Variants in USP32 observed in about 807,000 individuals in gnomAD.
USP32 encodes ubiquitin specific peptidase 32.
Under a neutral mutation model 204.8 loss-of-function variants are expected in USP32, and 59 were observed. The ratio of observed to expected loss-of-function variants is 0.29; its 90% CI spans 0.23 to 0.36. The LOEUF is 0.36. Among genes scored for constraint, USP32 ranks in the 10% least tolerant of loss-of-function variants. The probability of loss-of-function intolerance (pLI) is 1.00; values close to 1 mark genes in which losing one functional copy is unlikely to be tolerated. For synonymous variants in USP32, 517 were observed against 678.4 expected (o/e 0.76, Z 3.70); for missense variants, 1,160 against 1,946.4 (o/e 0.60, Z 7.60).
intron 31 of USP32, among the ~76,000 whole-genome samples, chr17:60,182,339 GTACAA>G (rs976375563): frequency 1.3e-5 from 2 of 152,148 alleles, no homozygotes; most frequent in African/African-American, 4.8e-5. Flanking sequence ...GAATGAAAAA[GTACAA>G]TACATTAGCA....
chr17:60,405,197 T>TTTTTTG (rs761497059), intron 1 of USP32, among the ~76,000 whole-genome samples: 6 of 151,884 alleles, frequency 4.0e-5, no homozygotes, highest in South Asian at 2.1e-4. Context: ...AAGCTGTTAG[T>TTTTTTG]TTTTTGTTTT....
At chr17:60,407,409 C>T (rs766346798) in intron 1 of USP32, among the ~76,000 whole-genome samples, 2 of 152,056 alleles carry the variant, frequency 1.3e-5, no homozygotes, top group Non-Finnish European at 2.9e-5. Context: ...ACTTAGTGAC[C>T]TCCCAAGATG....
chr17:60,269,612 A>G, intron 6 of USP32, 55 bp from the exon 7 acceptor site: 2 of 1,422,946 alleles, frequency 1.4e-6, no homozygotes, highest in Admixed American at 2.3e-5. Context: ...AATGTTAATA[A>G]TGACATGTTT....
intron 12 of USP32, among the ~76,000 whole-genome samples, chr17:60,233,499 C>T (rs920830265): frequency 6.6e-6 from 1 of 152,122 alleles, no homozygotes; most frequent in African/African-American, 2.4e-5. Flanking sequence ...ACTTAACATG[C>T]ATCAAACTCA....
At chr17:60,291,301 T>C (rs1395709430) in intron 4 of USP32, among the ~76,000 whole-genome samples, 1 of 152,158 alleles carries the variant, frequency 6.6e-6, no homozygotes, top group African/African-American at 2.4e-5. Context: ...GAGTCATGGA[T>C]CTCTTCTAAA....
At chr17:60,290,184 C>G (rs923425812) in intron 4 of USP32, among the ~76,000 whole-genome samples, 6 of 152,266 alleles carry the variant, frequency 3.9e-5, no homozygotes, top group South Asian at 2.1e-4. Flanking sequence ...TTTTGCCCAC[C>G]ACCATCGCCC....
At chr17:60,296,490 GA>G (rs2087433249) in intron 3 of USP32, among the ~76,000 whole-genome samples, 1 of 152,144 alleles carries the variant, frequency 6.6e-6, no homozygotes, top group Non-Finnish European at 1.5e-5. Flanking sequence ...CAACAGAGAA[GA>G]AAGAATTTTC....
At chr17:60,412,527 C>A (rs549265725) in intron 1 of USP32, among the ~76,000 whole-genome samples, 4 of 148,382 alleles carry the variant, frequency 2.7e-5, no homozygotes, top group East Asian at 3.9e-4. Context: ...AGAGTGATAC[C>A]CTGTTTCAAA....
At chr17:60,353,538 C>T (rs1243283466) in intron 1 of USP32, among the ~76,000 whole-genome samples, 3 of 152,024 alleles carry the variant, frequency 2.0e-5, no homozygotes, top group African/African-American at 4.8e-5. Context: ...GCCAGGAGTT[C>T]GAGACCAGCT....
chr17:60,213,732 G>C (rs961186347), intron 17 of USP32, 70 bp from the exon 18 acceptor site: 2 of 1,472,394 alleles, frequency 1.4e-6, no homozygotes, highest in African/African-American at 3.0e-5. Flanking sequence ...AGATAAAAAT[G>C]AGTAACAATT....
intron 9 of USP32, among the ~76,000 whole-genome samples, chr17:60,262,772 A>T (rs2086485907): frequency 6.6e-6 from 1 of 152,102 alleles, no homozygotes; most frequent in Non-Finnish European, 1.5e-5. Context: ...TACAGTAATA[A>T]TGTCTTCTAT....
chr17:60,190,980 C>G (rs966618443), intron 28 of USP32, among the ~76,000 whole-genome samples: 2 of 152,106 alleles, frequency 1.3e-5, no homozygotes, highest in Non-Finnish European at 2.9e-5. Context: ...TGGGAATTGC[C>G]TGTTTGAGAT....
intron 2 of USP32, among the ~76,000 whole-genome samples, chr17:60,304,448 T>C (rs1297172331): frequency 6.6e-6 from 1 of 152,076 alleles, no homozygotes; most frequent in Non-Finnish European, 1.5e-5. Context: ...GAGGAAATAT[T>C]ATGCCATTAG....
rs779796906 is a variant in USP32, at chr17:60,223,541, C to T, written c.1478G>A (p.Arg493Gln). Residue 493 changes from arginine (R) to glutamine (Q), a missense_variant, in exon 14 of 34, where the codon CGA (arginine) becomes CAA (glutamine). Physicochemically the swap from Arg to Gln is conservative, Grantham distance 43 (BLOSUM62 1). Transcript: ENST00000300896. ...GTTATTGTCAGAAGTGTTATGTTGT[C>T]GAGCAAAGCAAACATCTGCCCCTGG... ...ATPGADVCFA[R>Q]QHNTSDNNNQ... 7 of 1,611,534 alleles carry T rather than the reference C, an allele frequency of 4.3e-6. No individual in the cohort carries two copies. Among genetic ancestry groups the T allele is most frequent in the African/African-American group, 4.0e-5 (3 of 74,640 alleles).
chr17:60,245,435 C>A, intron 11 of USP32: 1 of 367,516 alleles, frequency 2.7e-6, no homozygotes, highest in South Asian at 2.5e-5. Flanking sequence ...ACTTCCAGCT[C>A]CTTGACATTG....
chr17:60,409,342 C>T (rs894948204), intron 1 of USP32, among the ~76,000 whole-genome samples: 1 of 152,136 alleles, frequency 6.6e-6, no homozygotes, highest in African/African-American at 2.4e-5. Context: ...AGCGAGACTC[C>T]GTCTCAAAAA....
chr17:60,283,744 G>A (rs947585400), intron 5 of USP32, among the ~76,000 whole-genome samples: 7 of 151,672 alleles, frequency 4.6e-5, no homozygotes, highest in African/African-American at 7.3e-5. Context: ...ATAAGATTTA[G>A]GTGCTAGAAA....
chr17:60,249,793 T>C (rs1373180235), intron 11 of USP32: 1 of 700,516 alleles, frequency 1.4e-6, no homozygotes, highest in South Asian at 1.5e-5. Context: ...GTTTTTTAAG[T>C]GCTTTTGGGG....
At position 60,376,548 on chromosome 17, in the gene USP32, G is replaced by A. The variant is rs2089544768; in HGVS notation, c.58+15334C>T. 2.7e-5 allele frequency among the ~76,000 whole-genome samples: 4 copies of A among 150,802 alleles called. No individual in the cohort carries two copies. In the South Asian group the frequency reaches 8.4e-4, roughly 32 times the overall value. ...TTCCTTTTCTTTTTTTTTTGAGACA[G>A]AGTCTCACTCTGTCGCTCAGGCTAG... On this transcript the variant is annotated intron_variant, in intron 1 of 33. Transcript: ENST00000300896.
Sources: gnomAD v4.1 joint callset for allele counts (sites outside exome capture counted in the v4.1 genomes callset) on GRCh38, gnomAD v4.1.1 for gene constraint, MANE v1.5 for transcripts, NCBI Gene and HGNC (gene_info 2026-07-23, HGNC 2026-07-21) for gene names.